Variants in CPEB3 observed in about 807,000 individuals in gnomAD.
CPEB3 encodes cytoplasmic polyadenylation element binding protein 3, also known as cytoplasmic polyadenylation element-binding protein 3.
In CPEB3, 20 loss-of-function variants were observed where a neutral mutation model predicts 67.2. The observed-to-expected ratio is 0.30, with a 90% CI of 0.21 to 0.43. The LOEUF is 0.43. CPEB3 is among the 20% of genes least tolerant of loss of function. The pLI is 1.00. For missense variants in CPEB3, 746 were observed against 968.6 expected (o/e 0.77, Z 3.05); for synonymous variants, 376 against 393.1 (o/e 0.96, Z 0.51).
chr10:92,289,718 C>CAAAAAAAAAAAAAAAAAAA lies in CPEB3; in HGVS notation c.-12+1207_-12+1208insTTTTTTTTTTTTTTTTTTT, dbSNP rs749285662. Among the ~76,000 whole-genome samples, 180 of 30,926 alleles carry CAAAAAAAAAAAAAAAAAAA rather than the reference C, an allele frequency of 5.8e-3. 20 individuals carry two copies. The highest frequency in any genetic ancestry group is 7.4e-3 in the Non-Finnish European group (158 of 21,288). 20.3% of individuals were successfully genotyped at this position (30,926 alleles called of 152,430 possible). A position where few individuals can be genotyped will look rare whatever the true frequency, so the allele number is the denominator to read the frequency against. ...CAACATGGCGAGACCGCGTCTCTAC[C>CAAAAAAAAAAAAAAAAAAA]AAAAAAAAAAAAAAATATATATATA... On this transcript the variant is annotated intron_variant, in intron 1 of 9. Transcript: ENST00000265997.
At chr10:92,163,719 T>G (rs1438132582) in intron 4 of CPEB3, among the ~76,000 whole-genome samples, 3 of 152,198 alleles carry the variant, frequency 2.0e-5, no homozygotes, top group Non-Finnish European at 4.4e-5. Context: ...TAATGGCAGA[T>G]AAGATACTTT....
chr10:92,095,600 A>ATATTT (rs377039483), intron 7 of CPEB3, among the ~76,000 whole-genome samples: 65 of 123,050 alleles, frequency 5.3e-4, no homozygotes, highest in East Asian at 9.1e-4. Flanking sequence ...ATATATATAT[A>ATATTT]TTTTTTTTTT....
At chr10:92,220,672 G>T (rs558913712) in intron 2 of CPEB3, among the ~76,000 whole-genome samples, 2 of 151,592 alleles carry the variant, frequency 1.3e-5, no homozygotes, top group East Asian at 3.9e-4. Context: ...TGCTGAAAAA[G>T]AGTTTAGAGC....
rs750211457 is a variant in CPEB3 at position 92,239,713 on chromosome 10, T to A, written c.638A>T (p.Gln213Leu). 348 of 1,552,436 alleles carry A rather than the reference T, an allele frequency of 2.2e-4. No homozygotes were observed. Among genetic ancestry groups the A allele is most frequent in the Non-Finnish European group, 2.8e-4 (325 of 1,154,018 alleles). Residue 213 changes from glutamine (Q) to leucine (L), a missense_variant, in exon 2 of 10, where the codon CAG becomes CTG. Transcript: ENST00000265997. This position sits in a 1 kb window ranked among gnomAD's most constrained non-coding sequence, Gnocchi z 6.0. ...GGACGGCTTGCTGGTCATGATGGGCTGGTGGCCGTACGCCGCGGCGGCGCT... is the reference window on the plus strand; with the variant it reads ...GGACGGCTTGCTGGTCATGATGGGCAGGTGGCCGTACGCCGCGGCGGCGCT... ...QRSAAAAYGH[Q>L]PIMTSKPSSS...
At chr10:92,182,636 G>A (rs1338908454) in intron 3 of CPEB3, among the ~76,000 whole-genome samples, 1 of 152,050 alleles carries the variant, frequency 6.6e-6, no homozygotes, top group Non-Finnish European at 1.5e-5. Flanking sequence ...GACCAGCCTG[G>A]CCAACATGGT....
chr10:92,057,085 T>A (rs1370749814), intron 9 of CPEB3, among the ~76,000 whole-genome samples: 1 of 152,154 alleles, frequency 6.6e-6, no homozygotes, highest in African/African-American at 2.4e-5. Context: ...ACCCAGGACC[T>A]TGGGTGAGCC....
rs1590623832 is a variant in CPEB3, at chr10:92,285,589, A to G, written c.-12+5337T>C. ...CTCAGCCAGAATTTAAGTTTCTAAC[A>G]TATGAACATTGGGGGACACATTCAA... is the stretch of plus-strand genomic sequence containing the variant. On this transcript the variant is annotated intron_variant, in intron 1 of 9. Coordinates refer to ENST00000265997, the MANE Select transcript of CPEB3 (RefSeq NM_014912.5). Among the ~76,000 whole-genome samples the G allele has an allele frequency of 2.0e-5, 3 of 152,278 alleles. No individual in the cohort carries two copies. The South Asian group carries it at 6.2e-4, about 32-fold the overall frequency.
chr10:92,244,464 GT>G (rs1279618803), intron 1 of CPEB3, among the ~76,000 whole-genome samples: 3 of 150,872 alleles, frequency 2.0e-5, no homozygotes, highest in Admixed American at 2.0e-4. Context: ...TTGAGATGGA[GT>G]CTCTCTCTGT....
At chr10:92,259,692 A>G (rs1852708396) in intron 1 of CPEB3, among the ~76,000 whole-genome samples, 1 of 151,838 alleles carries the variant, frequency 6.6e-6, no homozygotes, top group Admixed American at 6.6e-5. Context: ...AATTATGTTA[A>G]TTACCAAACT....
At chr10:92,136,585 G>T (rs72807234) in intron 6 of CPEB3, among the ~76,000 whole-genome samples, 18,061 of 152,070 alleles carry the variant, frequency 0.12, 1,390 homozygotes, top group Middle Eastern at 0.2. Context: ...TTCTAAGGCG[G>T]AGTCTTGCTC....
rs1218008529 is a variant in CPEB3 at position 92,082,169 on chromosome 10, G to A, written c.1688-668C>T. ...TTACAACCTACCACAGAGCACTAAG[G>A]TGCCACACAAATAGTAAAAACATAC... On this transcript the variant is annotated intron_variant, in intron 8 of 9. Transcript: ENST00000265997. 8.5e-5 allele frequency among the ~76,000 whole-genome samples: 13 copies of A among 152,252 alleles called. No homozygotes were observed. The East Asian group carries it at 1.9e-3, about 23-fold the overall frequency.
intron 6 of CPEB3, among the ~76,000 whole-genome samples, chr10:92,120,177 C>T (rs376875846): frequency 3.6e-4 from 54 of 149,602 alleles, no homozygotes; most frequent in East Asian, 5.9e-4. Context: ...TTGGTGAGGC[C>T]GAGGAGGGCA....
At chr10:92,284,616 G>A (rs1476817463) in intron 1 of CPEB3, among the ~76,000 whole-genome samples, 4 of 151,698 alleles carry the variant, frequency 2.6e-5, no homozygotes, top group Admixed American at 1.3e-4. Context: ...TTGGGGCCTC[G>A]GTATAACAGA....
At chr10:92,106,290 A>C (rs1050640750) in intron 7 of CPEB3, among the ~76,000 whole-genome samples, 2 of 146,214 alleles carry the variant, frequency 1.4e-5, no homozygotes, top group Non-Finnish European at 3.0e-5. Flanking sequence ...ACAAGATTTT[A>C]TATCAACTCA....
intron 2 of CPEB3, among the ~76,000 whole-genome samples, chr10:92,218,059 G>C (rs1268035193): frequency 6.6e-6 from 1 of 152,204 alleles, no homozygotes; most frequent in Non-Finnish European, 1.5e-5. Flanking sequence ...TCACTGAGCT[G>C]TGATTACACA....
At chr10:92,235,111 G>A (rs1271067096) in intron 2 of CPEB3, among the ~76,000 whole-genome samples, 1 of 152,094 alleles carries the variant, frequency 6.6e-6, no homozygotes, top group African/African-American at 2.4e-5. Flanking sequence ...TGATCATGAA[G>A]GTACCATCAG....
At chr10:92,054,973 A>G (rs1842057869) in intron 9 of CPEB3, among the ~76,000 whole-genome samples, 1 of 152,200 alleles carries the variant, frequency 6.6e-6, no homozygotes, top group South Asian at 2.1e-4. Flanking sequence ...ACACTTGAAT[A>G]AAATGTGGGT....
chr10:92,230,929 G>T (rs746474587), intron 2 of CPEB3, among the ~76,000 whole-genome samples: 2 of 152,160 alleles, frequency 1.3e-5, no homozygotes, highest in Admixed American at 6.5e-5. Flanking sequence ...AGAGGGTCAG[G>T]CATGGCCTAC....
intron 6 of CPEB3, among the ~76,000 whole-genome samples, chr10:92,125,672 C>T (rs11814540): frequency 0.016 from 2,438 of 151,860 alleles, 63 homozygotes; most frequent in African/African-American, 0.056. Flanking sequence ...TTGTCATGTC[C>T]ATCTTATCTT....
Sources: gnomAD v4.1 joint callset for allele counts (sites outside exome capture counted in the v4.1 genomes callset) on GRCh38, gnomAD v4.1.1 for gene constraint, Gnocchi (gnomAD v3.1) non-coding constraint, MANE v1.5 for transcripts, NCBI Gene and HGNC (gene_info 2026-07-23, HGNC 2026-07-21) for gene names.